The following MTHFD1L variants were observed in gnomAD, a reference collection of about 807,000 sequenced individuals.
The protein encoded by MTHFD1L is monofunctional C1-tetrahydrofolate synthase, mitochondrial.
In MTHFD1L, 81 loss-of-function variants were observed where a neutral mutation model predicts 119.5. The observed-to-expected ratio is 0.68, with a 90% confidence interval of 0.57 to 0.82. MTHFD1L has a LOEUF of 0.82. Among genes scored for constraint, MTHFD1L ranks in the 40% least tolerant of loss-of-function variants. MTHFD1L has a pLI of 0.00. For missense variants in MTHFD1L, 1,125 were observed against 1,253.4 expected (o/e 0.90, Z 1.55); for synonymous variants, 430 against 475.2 (o/e 0.90, Z 1.24).
intron 19 of MTHFD1L, among the ~76,000 whole-genome samples, chr6:150,966,717 T>C (rs1282356487): frequency 6.6e-6 from 1 of 152,140 alleles, no homozygotes; most frequent in Non-Finnish European, 1.5e-5. Flanking sequence ...TCCCAGCTCC[T>C]TGGGAGGCTG....
At chr6:151,076,653 A>C (rs1437388081) in intron 26 of MTHFD1L, among the ~76,000 whole-genome samples, 1 of 151,452 alleles carries the variant, frequency 6.6e-6, no homozygotes, top group Non-Finnish European at 1.5e-5. Context: ...TCTGTCTAAA[A>C]AAAAAAAAAA....
intron 7 of MTHFD1L, among the ~76,000 whole-genome samples, chr6:150,893,028 G>A (rs1377605873): frequency 2.0e-5 from 3 of 152,138 alleles, no homozygotes; most frequent in African/African-American, 7.2e-5. Flanking sequence ...AAGCTTCACT[G>A]TGAAAAACAC....
intron 10 of MTHFD1L, among the ~76,000 whole-genome samples, chr6:150,922,638 C>G (rs1217741928): frequency 4.0e-5 from 4 of 99,470 alleles, no homozygotes; most frequent in South Asian, 8.5e-4. Flanking sequence ...AGTGTTTTCC[C>G]CCCCCACCCT....
chr6:150,928,715 T>C (rs1790478359), intron 11 of MTHFD1L, among the ~76,000 whole-genome samples: 1 of 151,874 alleles, frequency 6.6e-6, no homozygotes, highest in African/African-American at 2.4e-5. Context: ...CTAACTGTTT[T>C]TGTATTTTTA....
chr6:150,982,623 G>A (rs1017886124), intron 20 of MTHFD1L, among the ~76,000 whole-genome samples: 3 of 152,010 alleles, frequency 2.0e-5, no homozygotes, highest in African/African-American at 7.2e-5. Context: ...AAATTGTTCT[G>A]CAACGTAATA....
intron 8 of MTHFD1L, among the ~76,000 whole-genome samples, chr6:150,910,420 G>A (rs921297043): frequency 7.3e-5 from 11 of 151,572 alleles, no homozygotes; most frequent in African/African-American, 2.7e-4. Flanking sequence ...AAAATTAGCC[G>A]GGCATGGTGG....
intron 26 of MTHFD1L, among the ~76,000 whole-genome samples, chr6:151,070,509 T>G (rs2128617763): frequency 6.6e-6 from 1 of 152,330 alleles, no homozygotes; most frequent in Admixed American, 6.5e-5. Context: ...TGGTTTTTAG[T>G]AAACCCTTTT....
Position 150,866,464 on chromosome 6 carries a change from C to T in MTHFD1L, c.227+415C>T, listed in dbSNP as rs954205785. On this transcript the variant is annotated intron_variant, in intron 1 of 27. Transcript: ENST00000367321. ...GGAGGAGGGCGGGGCTGCGGCTCGGCGCGCCGGCTGGCCCGGGGTTCGGGA... is the reference window on the plus strand; with the variant it reads ...GGAGGAGGGCGGGGCTGCGGCTCGGTGCGCCGGCTGGCCCGGGGTTCGGGA... The T allele has an allele frequency of 4.6e-6, 6 of 1,317,252 alleles. No individual in the cohort carries two copies. In the South Asian group the frequency reaches 1.0e-4, roughly 23 times the overall value. 81.6% of individuals were successfully genotyped at this position (1,317,252 alleles called of 1,614,324 possible).
intron 21 of MTHFD1L, among the ~76,000 whole-genome samples, chr6:151,012,748 G>A (rs1782486240): frequency 6.6e-6 from 1 of 152,136 alleles, no homozygotes; most frequent in Non-Finnish European, 1.5e-5. Flanking sequence ...TTTATTGTAA[G>A]GAATTGGGTC....
chr6:150,955,296 G>C (rs1198561195), intron 16 of MTHFD1L, among the ~76,000 whole-genome samples: 2 of 152,104 alleles, frequency 1.3e-5, no homozygotes, highest in Non-Finnish European at 2.9e-5. Flanking sequence ...ATCCATTCAT[G>C]TATCAACATG....
At chr6:150,958,641 A>G (rs115071458) in intron 17 of MTHFD1L, among the ~76,000 whole-genome samples, 1,571 of 152,326 alleles carry the variant, frequency 0.01, 19 homozygotes, top group African/African-American at 0.035. Context: ...AGTTCATGCA[A>G]TCCACAAATA....
intron 20 of MTHFD1L, among the ~76,000 whole-genome samples, chr6:151,005,740 C>T (rs907129733): frequency 5.9e-5 from 9 of 152,108 alleles, no homozygotes; most frequent in Admixed American, 5.2e-4. Flanking sequence ...TGCCATTGCA[C>T]TCCAGCCTGG....
intron 20 of MTHFD1L, among the ~76,000 whole-genome samples, chr6:151,009,585 C>G (rs1395546245): frequency 6.6e-6 from 1 of 152,062 alleles, no homozygotes; most frequent in Admixed American, 6.6e-5. Flanking sequence ...AAGTCTTGGC[C>G]TGGCCACCAC....
At chr6:150,916,754 T>A (rs1788023364) in intron 8 of MTHFD1L, among the ~76,000 whole-genome samples, 1 of 45,716 alleles carries the variant, frequency 2.2e-5, no homozygotes, top group African/African-American at 1.4e-4. Flanking sequence ...TTTTTTTTTT[T>A]TTTTTTTTTT....
intron 26 of MTHFD1L, among the ~76,000 whole-genome samples, chr6:151,051,709 A>G (rs1260874757): frequency 6.6e-6 from 1 of 152,230 alleles, no homozygotes; most frequent in Non-Finnish European, 1.5e-5. Flanking sequence ...GAATTAAAGC[A>G]AGTACAATTA....
At chr6:150,932,355 T>A (rs1757759421) in intron 11 of MTHFD1L, among the ~76,000 whole-genome samples, 1 of 152,004 alleles carries the variant, frequency 6.6e-6, no homozygotes, top group Non-Finnish European at 1.5e-5. Flanking sequence ...AATTCTAGAA[T>A]AATCATATAA....
intron 25 of MTHFD1L, among the ~76,000 whole-genome samples, chr6:151,036,085 G>A (rs530965216): frequency 3.9e-5 from 6 of 152,252 alleles, no homozygotes; most frequent in African/African-American, 1.2e-4. Context: ...TTTAACTAAA[G>A]ATTTCATTCC....
At chr6:150,973,262 T>A (rs1776039040) in intron 20 of MTHFD1L, among the ~76,000 whole-genome samples, 1 of 152,228 alleles carries the variant, frequency 6.6e-6, no homozygotes, top group Non-Finnish European at 1.5e-5. Context: ...ACAAAGTTCA[T>A]TCAGTGTTAT....
intron 26 of MTHFD1L, among the ~76,000 whole-genome samples, chr6:151,073,006 C>T (rs1792103306): frequency 6.6e-6 from 1 of 151,992 alleles, no homozygotes; most frequent in Admixed American, 6.6e-5. Context: ...AACAGTGGCC[C>T]CTGAGAAATT....
Sources: gnomAD v4.1 joint callset for allele counts (sites outside exome capture counted in the v4.1 genomes callset) on GRCh38, gnomAD v4.1.1 for gene constraint, MANE v1.5 for transcripts, NCBI Gene and HGNC (gene_info 2026-07-23, HGNC 2026-07-21) for gene names.